PTPRG: variants seen among roughly 807,000 people sequenced by gnomAD.
The protein encoded by PTPRG is protein tyrosine phosphatase receptor type G.
PTPRG carries 102 observed loss-of-function variants against 165.3 expected under a neutral mutation model. The ratio of observed to expected loss-of-function variants is 0.62; its 90% confidence interval spans 0.53 to 0.73. The LOEUF is 0.73. Among genes scored for constraint, PTPRG ranks in the 30% least tolerant of loss-of-function variants. The pLI is 0.00. For missense variants in PTPRG, 1,866 were observed against 1,861.4 expected (o/e 1.00, Z -0.05); for synonymous variants, 675 against 669.5 (o/e 1.01, Z -0.13).
At chr3:61,989,502 A>T in intron 2 of PTPRG, 123 bp from the exon 3 acceptor site, 1 of 878,380 alleles carries the variant, frequency 1.1e-6, no homozygotes, top group Non-Finnish European at 1.7e-6. Context: ...CATAGTTTTC[A>T]GTACATTCAC....
At chr3:62,207,490 A>C (rs1289317779) in intron 12 of PTPRG, among the ~76,000 whole-genome samples, 1 of 152,200 alleles carries the variant, frequency 6.6e-6, no homozygotes, top group Non-Finnish European at 1.5e-5. Flanking sequence ...TTTTTTAATG[A>C]AATCGCCATC....
chr3:62,060,926 A>G (rs1202581217), intron 4 of PTPRG, among the ~76,000 whole-genome samples: 3 of 152,230 alleles, frequency 2.0e-5, no homozygotes, highest in South Asian at 4.1e-4. Context: ...TACAGAATCA[A>G]CATAGTTCTT....
chr3:61,930,996 G>T (rs2039347500), intron 2 of PTPRG, among the ~76,000 whole-genome samples: 1 of 152,224 alleles, frequency 6.6e-6, no homozygotes, highest in Non-Finnish European at 1.5e-5. Flanking sequence ...GGGAGGCAGA[G>T]GTTGCAGTGA....
chr3:61,572,159 C>T (rs966116984), intron 1 of PTPRG, among the ~76,000 whole-genome samples: 1 of 152,180 alleles, frequency 6.6e-6, no homozygotes, highest in African/African-American at 2.4e-5. Context: ...TCTTGCTAAC[C>T]TTGCTACGGA....
intron 1 of PTPRG, among the ~76,000 whole-genome samples, chr3:61,596,050 A>G (rs946079536): frequency 2.0e-5 from 3 of 152,186 alleles, no homozygotes. Flanking sequence ...AAATTGCACA[A>G]TCTCCATTTG....
At chr3:61,777,908 C>T (rs1309167597) in intron 2 of PTPRG, among the ~76,000 whole-genome samples, 1 of 152,142 alleles carries the variant, frequency 6.6e-6, no homozygotes, top group African/African-American at 2.4e-5. Flanking sequence ...TGACTCTAAG[C>T]CCTGACATTG....
At chr3:62,051,134 A>G (rs1575939066) in intron 4 of PTPRG, among the ~76,000 whole-genome samples, 1 of 152,188 alleles carries the variant, frequency 6.6e-6, no homozygotes, top group Non-Finnish European at 1.5e-5. Context: ...TTCCTGGTCT[A>G]CCTCATCAGG....
At chr3:61,838,352 C>A (rs2036530495) in intron 2 of PTPRG, among the ~76,000 whole-genome samples, 1 of 152,180 alleles carries the variant, frequency 6.6e-6, no homozygotes, top group Non-Finnish European at 1.5e-5. Context: ...CAAAACTAGA[C>A]AGGTTTATAT....
chr3:61,698,387 G>A (rs1329854618), intron 1 of PTPRG, among the ~76,000 whole-genome samples: 1 of 152,090 alleles, frequency 6.6e-6, no homozygotes, highest in African/African-American at 2.4e-5. Flanking sequence ...CCTTGTAGCA[G>A]GCAAGCAGAC....
At chr3:61,990,306 A>C (rs1397118353) in intron 3 of PTPRG, among the ~76,000 whole-genome samples, 1 of 152,208 alleles carries the variant, frequency 6.6e-6, no homozygotes, top group Non-Finnish European at 1.5e-5. Context: ...CTATCAGGTA[A>C]CATTGTGCCA....
intron 1 of PTPRG, among the ~76,000 whole-genome samples, chr3:61,688,642 C>T (rs1301552395): frequency 5.3e-5 from 8 of 152,208 alleles, no homozygotes; most frequent in Admixed American, 5.2e-4. Context: ...GAGCCAGTAT[C>T]CCCACCACCC....
chr3:62,267,829 T>C lies in PTPRG; in HGVS notation c.2874+10T>C. The stretch of plus-strand genomic sequence containing the variant: ...TGTGGAAAAAGGAAGAGTAAGAGCC[T>C]TTTGACTCACTATCTTAATAATGCA... On this transcript the variant is annotated intron_variant, in intron 19 of 29. Transcript: ENST00000474889. The C allele has an allele frequency of 1.9e-6, 3 of 1,610,614 alleles. No individual in the cohort carries two copies. The highest frequency in any genetic ancestry group is 2.5e-6 in the Non-Finnish European group (3 of 1,178,516).
intron 1 of PTPRG, among the ~76,000 whole-genome samples, chr3:61,658,797 C>T (rs912301543): frequency 6.6e-6 from 1 of 152,160 alleles, no homozygotes. Flanking sequence ...ATCTAGTGCT[C>T]CCAGGTCCGT....
chr3:61,638,012 A>G (rs1701962018), intron 1 of PTPRG, among the ~76,000 whole-genome samples: 1 of 152,192 alleles, frequency 6.6e-6, no homozygotes, highest in Non-Finnish European at 1.5e-5. Flanking sequence ...CACTTTTGGA[A>G]TTTTAAGGAC....
At chr3:62,263,196 C>T (rs1701753924) in intron 17 of PTPRG, 2 of 263,134 alleles carry the variant, frequency 7.6e-6, no homozygotes, top group South Asian at 1.4e-4. Context: ...ATTTGAATGT[C>T]ACTTGGTTAC....
At chr3:62,073,321 C>G (rs1394355623) in intron 4 of PTPRG, among the ~76,000 whole-genome samples, 1 of 152,132 alleles carries the variant, frequency 6.6e-6, no homozygotes. Flanking sequence ...GCCAAAGTAT[C>G]TCTCTACAAA....
At chr3:62,008,624 G>T (rs182575671) in intron 4 of PTPRG, among the ~76,000 whole-genome samples, 1 of 152,118 alleles carries the variant, frequency 6.6e-6, no homozygotes, top group African/African-American at 2.4e-5. Flanking sequence ...ATAGCCCAGC[G>T]GTCCCCAACC....
intron 14 of PTPRG, among the ~76,000 whole-genome samples, chr3:62,239,349 C>CTTTTTTTTTTTTTTT (rs1168589653): frequency 6.9e-6 from 1 of 144,074 alleles, no homozygotes; most frequent in African/African-American, 2.6e-5. Flanking sequence ...TTCTTTCTTT[C>CTTTTTTTTTTTTTTT]TTTTTTCTTT....
At chr3:61,595,185 GT>G (rs869290260) in intron 1 of PTPRG, among the ~76,000 whole-genome samples, 1 of 148,850 alleles carries the variant, frequency 6.7e-6, no homozygotes, top group South Asian at 2.1e-4. Flanking sequence ...AGATGTGTTT[GT>G]TTTTTTTTTT....
Sources: gnomAD v4.1 joint callset for allele counts (sites outside exome capture counted in the v4.1 genomes callset) on GRCh38, gnomAD v4.1.1 for gene constraint, MANE v1.5 for transcripts, NCBI Gene and HGNC (gene_info 2026-07-23, HGNC 2026-07-21) for gene names.